The following KAZN variants were observed in gnomAD, a reference collection of about 807,000 sequenced individuals.
KAZN encodes kazrin.
KAZN carries 40 observed loss-of-function variants against 87.4 expected under a neutral mutation model. That is an observed-to-expected ratio of 0.46 (90% CI 0.36 to 0.60). The LOEUF (loss-of-function observed/expected upper bound fraction) is 0.60, where lower values mean the gene tolerates loss of function less well. Ranked by LOEUF, KAZN falls within the 20% of genes least tolerant of loss-of-function variation. The pLI, the probability that KAZN is intolerant of heterozygous loss-of-function variation, is 0.00. For synonymous variants in KAZN, 466 were observed against 458.3 expected (o/e 1.02, Z -0.22); for missense variants, 898 against 1,073.9 (o/e 0.84, Z 2.29).
In KAZN at chr1:14,841,128, C is replaced by A. The variant is rs372651520; in HGVS notation, c.227-119556C>A. On this transcript the variant is annotated intron_variant, in intron 1 of 14. Coordinates refer to ENST00000376030, the MANE Select transcript of KAZN (RefSeq NM_201628.3). The stretch of plus-strand genomic sequence containing the variant: ...GCAGGCAATTCTGTTAGAAATGGAG[C>A]CATAAGCGGCCGGGTGTGGTGGCTC... Among the ~76,000 whole-genome samples the A allele has an allele frequency of 9.2e-5, 14 of 152,184 alleles. No homozygotes were observed. In the East Asian group the frequency reaches 2.7e-3, roughly 29 times the overall value.
chr1:14,776,654 C>T (rs1369498111), intron 1 of KAZN, among the ~76,000 whole-genome samples: 1 of 152,086 alleles, frequency 6.6e-6, no homozygotes, highest in Non-Finnish European at 1.5e-5. Context: ...TTGGGCCGGG[C>T]GCAGTGACAC....
intron 2 of KAZN, among the ~76,000 whole-genome samples, chr1:14,566,768 A>G (rs994711217): frequency 3.3e-5 from 5 of 152,216 alleles, no homozygotes; most frequent in African/African-American, 9.6e-5. Context: ...AATCTCATGA[A>G]CAAACTTCTA....
chr1:14,594,997 T>G (rs1292091971), upstream of KAZN, among the ~76,000 whole-genome samples: 5 of 151,722 alleles, frequency 3.3e-5, no homozygotes, highest in African/African-American at 1.2e-4. Flanking sequence ...ATACAAAAAT[T>G]AGCCAGGGGT....
intron 2 of KAZN, among the ~76,000 whole-genome samples, chr1:14,397,285 C>T (rs536955605): frequency 6.6e-6 from 1 of 152,218 alleles, no homozygotes; most frequent in African/African-American, 2.4e-5. Context: ...ACTGGAAGTC[C>T]AAGATCAGGG....
intron 2 of KAZN, among the ~76,000 whole-genome samples, chr1:14,200,530 G>T (rs1276432586): frequency 6.6e-6 from 1 of 152,126 alleles, no homozygotes; most frequent in Admixed American, 6.5e-5. Context: ...TAAAAGGGCA[G>T]CAAATTTGGA....
intron 2 of KAZN, chr1:14,391,358 T>G (rs1662403800): frequency 6.6e-6 from 1 of 152,360 alleles, no homozygotes; most frequent in African/African-American, 2.4e-5. Context: ...TCATCCCATC[T>G]TTGTATCTTC....
At chr1:14,085,214 G>A (rs12138583) in intron 1 of KAZN, among the ~76,000 whole-genome samples, 48,701 of 151,998 alleles carry the variant, frequency 0.32, 8,223 homozygotes, top group Middle Eastern at 0.4. Flanking sequence ...TTGTAATTAG[G>A]TAACTCTTAG....
chr1:14,611,433 A>G (rs907301554), intron 1 of KAZN, among the ~76,000 whole-genome samples: 3 of 152,228 alleles, frequency 2.0e-5, no homozygotes, highest in Admixed American at 1.3e-4. Flanking sequence ...AATGAAATGC[A>G]TAAGATTATG....
chr1:15,003,602 T>C (rs1488661594), intron 2 of KAZN, among the ~76,000 whole-genome samples: 1 of 152,142 alleles, frequency 6.6e-6, no homozygotes, highest in Non-Finnish European at 1.5e-5. Flanking sequence ...CCCCCTCCCA[T>C]GGGATAGCAC....
chr1:14,475,402 A>G (rs1403102882), intron 2 of KAZN, among the ~76,000 whole-genome samples: 1 of 152,210 alleles, frequency 6.6e-6, no homozygotes, highest in Non-Finnish European at 1.5e-5. Context: ...TATAATACCT[A>G]CTGATCCATT....
At chr1:14,621,776 G>T (rs902218419) in intron 1 of KAZN, among the ~76,000 whole-genome samples, 1 of 152,228 alleles carries the variant, frequency 6.6e-6, no homozygotes. Flanking sequence ...TGTAAGATGT[G>T]ACTTTGCGCC....
At chr1:14,609,517 A>C (rs1677646639) in intron 1 of KAZN, among the ~76,000 whole-genome samples, 1 of 152,250 alleles carries the variant, frequency 6.6e-6, no homozygotes, top group African/African-American at 2.4e-5. Flanking sequence ...AGTCAACTCA[A>C]AACCCACCCT....
chr1:14,892,174 G>T (rs1452096674), intron 1 of KAZN, among the ~76,000 whole-genome samples: 7 of 152,046 alleles, frequency 4.6e-5, no homozygotes, highest in Non-Finnish European at 1.0e-4. Flanking sequence ...GAGTCTCAAG[G>T]TCTCTAGGGA....
chr1:14,241,750 G>A (rs1648954665), intron 2 of KAZN, among the ~76,000 whole-genome samples: 1 of 152,166 alleles, frequency 6.6e-6, no homozygotes. Flanking sequence ...ATGCTGTATT[G>A]AAGAGGACTC....
chr1:14,051,858 C>A (rs1642346315), intron 1 of KAZN, among the ~76,000 whole-genome samples: 1 of 152,072 alleles, frequency 6.6e-6, no homozygotes, highest in Non-Finnish European at 1.5e-5. Context: ...AACCAACCAA[C>A]CAAACAACAA....
intron 1 of KAZN, among the ~76,000 whole-genome samples, chr1:14,739,084 TA>T (rs1387485422): frequency 2.6e-5 from 4 of 151,868 alleles, no homozygotes; most frequent in African/African-American, 9.7e-5. Flanking sequence ...GAGGCTGAGG[TA>T]GGGGGATCAC....
intron 1 of KAZN, among the ~76,000 whole-genome samples, chr1:14,631,009 A>G (rs1339433631): frequency 2.0e-5 from 3 of 152,192 alleles, no homozygotes; most frequent in Non-Finnish European, 4.4e-5. Flanking sequence ...AAGCGTATTG[A>G]TCTTCTAGCA....
chr1:14,311,305 C>G (rs564036370), intron 2 of KAZN, among the ~76,000 whole-genome samples: 1 of 152,310 alleles, frequency 6.6e-6, no homozygotes, highest in South Asian at 2.1e-4. Context: ...GGCTTCCTTA[C>G]CTGCACAATG....
chr1:14,873,593 C>T (rs1652424261), intron 1 of KAZN, among the ~76,000 whole-genome samples: 2 of 152,172 alleles, frequency 1.3e-5, no homozygotes, highest in South Asian at 4.1e-4. Context: ...CAGAGGGAGC[C>T]AGGGGCCTTT....
Sources: allele counts gnomAD v4.1 joint callset (sites outside exome capture counted in the v4.1 genomes callset), GRCh38; gene constraint gnomAD v4.1.1; transcripts MANE v1.5; gene names NCBI Gene and HGNC (gene_info 2026-07-23, HGNC 2026-07-21).